The following R3HDM2 variants were observed in gnomAD, a reference collection of about 807,000 sequenced individuals.
The protein encoded by R3HDM2 is R3H domain-containing protein 2.
R3HDM2 carries 38 observed loss-of-function variants against 124.5 expected under a neutral mutation model. The ratio of observed to expected loss-of-function variants is 0.31; its 90% CI spans 0.24 to 0.40. The LOEUF (loss-of-function observed/expected upper bound fraction) is 0.40. Ranked by LOEUF, R3HDM2 falls within the 10% of genes least tolerant of loss-of-function variation. R3HDM2 has a pLI of 1.00. For missense variants in R3HDM2, 869 were observed against 1,236.9 expected (o/e 0.70, Z 4.46); for synonymous variants, 391 against 448.0 (o/e 0.87, Z 1.61).
chr12:57,329,190 C>T (rs780063082), intron 2 of R3HDM2, among the ~76,000 whole-genome samples: 1 of 151,980 alleles, frequency 6.6e-6, no homozygotes, highest in Admixed American at 6.6e-5. Flanking sequence ...AAGGGTATAC[C>T]ACCCTTGTAC....
At chr12:57,290,386 A>C (rs1565991037) in intron 11 of R3HDM2, among the ~76,000 whole-genome samples, 2 of 152,236 alleles carry the variant, frequency 1.3e-5, no homozygotes, top group Admixed American at 1.3e-4. Flanking sequence ...TTAAGAGCAT[A>C]GACTCTGGAG....
intron 2 of R3HDM2, among the ~76,000 whole-genome samples, chr12:57,390,326 G>C (rs1437462442): frequency 6.6e-6 from 1 of 152,152 alleles, no homozygotes; most frequent in Non-Finnish European, 1.5e-5. Flanking sequence ...TCCCTAAACA[G>C]TGTTTCCAAG....
intron 19 of R3HDM2, among the ~76,000 whole-genome samples, chr12:57,261,708 G>T (rs192420392): frequency 2.5e-4 from 38 of 150,942 alleles, no homozygotes; most frequent in Non-Finnish European, 7.4e-5. Flanking sequence ...GCCCAAAGCA[G>T]GTGGCATCTG....
chr12:57,364,729 C>A (rs1186108931), intron 2 of R3HDM2, among the ~76,000 whole-genome samples: 7 of 147,680 alleles, frequency 4.7e-5, no homozygotes, highest in Non-Finnish European at 1.0e-4. Flanking sequence ...CCGAGGCGGG[C>A]GGATCATGAG....
intron 1 of R3HDM2, among the ~76,000 whole-genome samples, chr12:57,407,462 G>A (rs1372026388): frequency 1.3e-5 from 2 of 151,562 alleles, no homozygotes; most frequent in Non-Finnish European, 2.9e-5. Context: ...CTGGAGTGCA[G>A]TGGCACAATC....
chr12:57,335,665 CTTT>C (rs1213483574), intron 2 of R3HDM2, among the ~76,000 whole-genome samples: 2 of 133,396 alleles, frequency 1.5e-5, no homozygotes. Flanking sequence ...ACCCAGCTAA[CTTT>C]TTTTTTTTTT....
Position 57,357,626 on chromosome 12 carries a change from T to C in R3HDM2, c.-36+38123A>G, listed in dbSNP as rs1468134671. ...TTCAATTTTGTCAATCTTAAAGAAC[T>C]AGCTTGTAGTTTTGCTGATTTTTTT... is the stretch of plus-strand genomic sequence containing the variant. On this transcript the variant is annotated intron_variant, in intron 2 of 23. Coordinates refer to ENST00000402412, the MANE Select transcript of R3HDM2 (RefSeq NM_001394031.1). Among the ~76,000 whole-genome samples, 12 of 150,062 alleles carry C rather than the reference T, an allele frequency of 8.0e-5. No individual in the cohort carries two copies. The East Asian group carries it at 2.0e-3, about 24-fold the overall frequency.
chr12:57,334,730 T>C (rs1397584092), intron 2 of R3HDM2, among the ~76,000 whole-genome samples: 1 of 152,080 alleles, frequency 6.6e-6, no homozygotes, highest in Non-Finnish European at 1.5e-5. Context: ...CACCAGGATA[T>C]ATTGAGGAAT....
chr12:57,324,314 G>C (rs2056937579), intron 2 of R3HDM2, among the ~76,000 whole-genome samples: 1 of 152,178 alleles, frequency 6.6e-6, no homozygotes, highest in Non-Finnish European at 1.5e-5. Flanking sequence ...CTCCCCAGTA[G>C]CTGGGATTAC....
intron 12 of R3HDM2, among the ~76,000 whole-genome samples, chr12:57,288,255 C>T (rs1041816538): frequency 3.3e-5 from 5 of 152,004 alleles, no homozygotes; most frequent in Non-Finnish European, 5.9e-5. Flanking sequence ...CCACCCACCT[C>T]GGCCTCCCAA....
At chr12:57,413,990 C>T (rs1415905168) in intron 1 of R3HDM2, among the ~76,000 whole-genome samples, 2 of 150,102 alleles carry the variant, frequency 1.3e-5, no homozygotes, top group Admixed American at 1.3e-4. Context: ...AGATTACAGG[C>T]ACACACCACC....
At chr12:57,401,161 AAAG>A (rs1363455919) in intron 1 of R3HDM2, among the ~76,000 whole-genome samples, 29 of 152,064 alleles carry the variant, frequency 1.9e-4, no homozygotes, top group African/African-American at 6.5e-4. Context: ...CAATTCCCAT[AAAG>A]AAGTGCAGTT....
At position 57,295,528 on chromosome 12, in the gene R3HDM2, T is replaced by G. The variant is rs1016778577; in HGVS notation, c.702-21A>C. On this transcript the variant is annotated intron_variant, in intron 9 of 23. Coordinates refer to ENST00000402412, the MANE Select transcript of R3HDM2 (RefSeq NM_001394031.1). ...CAGGGCTGAGATTTGGAGAGAAATG[T>G]GAAAGGAAAGGAGGACAAAGACCGT... 3.3e-5 allele frequency: 51 copies of G among 1,527,790 alleles called. No homozygotes were observed. The Middle Eastern group carries it at 5.0e-4, about 15-fold the overall frequency. The allele number at this position is 1,527,790 out of a possible 1,614,324, so 94.6% of individuals were successfully genotyped here.
chr12:57,317,987 C>CA (rs750938224), intron 2 of R3HDM2, among the ~76,000 whole-genome samples: 10,703 of 64,778 alleles, frequency 0.17, 679 homozygotes, highest in East Asian at 0.41. Flanking sequence ...CCCCGCCCCC[C>CA]CAAAAAAAAA....
At chr12:57,347,090 T>TA (rs1210762942) in intron 2 of R3HDM2, among the ~76,000 whole-genome samples, 1 of 151,638 alleles carries the variant, frequency 6.6e-6, no homozygotes, top group Non-Finnish European at 1.5e-5. Context: ...ACAAAAAAAT[T>TA]AAAAAATTAG....
At chr12:57,278,715 A>G (rs548247964) in intron 14 of R3HDM2, among the ~76,000 whole-genome samples, 80 of 152,330 alleles carry the variant, frequency 5.3e-4, no homozygotes, top group Middle Eastern at 3.4e-3. Flanking sequence ...GTAGAACAAG[A>G]AAGTTAGGAC....
chr12:57,291,614 A>T (rs2138369637), intron 11 of R3HDM2, among the ~76,000 whole-genome samples: 1 of 151,500 alleles, frequency 6.6e-6, no homozygotes, highest in Non-Finnish European at 1.5e-5. Context: ...TGACTGTGCC[A>T]TTGCACTGCA....
chr12:57,366,030 T>G (rs1463887236), intron 2 of R3HDM2, among the ~76,000 whole-genome samples: 1 of 152,200 alleles, frequency 6.6e-6, no homozygotes, highest in African/African-American at 2.4e-5. Flanking sequence ...ATTAAAAAAC[T>G]TAAGCCATTA....
At chr12:57,276,951 G>A (rs1231825001) in intron 14 of R3HDM2, among the ~76,000 whole-genome samples, 1 of 151,886 alleles carries the variant, frequency 6.6e-6, no homozygotes, top group Non-Finnish European at 1.5e-5. Context: ...TGGGAAGGGG[G>A]CAAGGGATAA....
Sources: gnomAD v4.1 joint callset for allele counts (sites outside exome capture counted in the v4.1 genomes callset) on GRCh38, gnomAD v4.1.1 for gene constraint, MANE v1.5 for transcripts, NCBI Gene and HGNC (gene_info 2026-07-23, HGNC 2026-07-21) for gene names.